The following USP45 variants were observed in gnomAD, a reference collection of about 807,000 sequenced individuals.
The protein encoded by USP45 is ubiquitin carboxyl-terminal hydrolase 45.
In USP45, 89 loss-of-function variants were observed where a neutral mutation model predicts 95.8. The observed-to-expected ratio is 0.93, with a 90% CI of 0.78 to 1.11. The LOEUF (loss-of-function observed/expected upper bound fraction) is 1.11, where lower values mean the gene tolerates loss of function less well. Among genes scored for constraint, USP45 ranks in the 50% least tolerant of loss-of-function variants. USP45 has a pLI of 0.00. For synonymous variants in USP45, 281 were observed against 316.2 expected (o/e 0.89, Z 1.18); for missense variants, 898 against 942.5 (o/e 0.95, Z 0.62).
At chr6:99,483,560 C>T (rs896636896) in intron 7 of USP45, among the ~76,000 whole-genome samples, 3 of 152,248 alleles carry the variant, frequency 2.0e-5, no homozygotes, top group Non-Finnish European at 4.4e-5. Context: ...ATCTTCCGGC[C>T]GGGCGCGGTG....
At chr6:99,482,182 A>G (rs1792600356) in intron 8 of USP45, 1 of 152,162 alleles carries the variant, frequency 6.6e-6, no homozygotes, top group South Asian at 2.1e-4. Context: ...TATGTTGTGT[A>G]CCCCTGAATT....
chr6:99,516,500 A>T (rs184290966), upstream of USP45, among the ~76,000 whole-genome samples: 57 of 152,350 alleles, frequency 3.7e-4, no homozygotes, highest in East Asian at 9.8e-3. Flanking sequence ...CAGTATTTAC[A>T]TGTGGAGAAC....
chr6:99,440,706 G>C (rs1045551094), intron 15 of USP45, among the ~76,000 whole-genome samples: 1 of 150,692 alleles, frequency 6.6e-6, no homozygotes, highest in Non-Finnish European at 1.5e-5. Context: ...TTTTTTTGCC[G>C]AAGTGTATTC....
In USP45 at chr6:99,432,646, T is replaced by C. The variant is rs1339511214; in HGVS notation, c.*3070A>G. On this transcript the variant is annotated 3_prime_UTR_variant, in exon 18 of 18. Coordinates refer to ENST00000500704, the MANE Select transcript of USP45 (RefSeq NM_001346022.3). ...TACGTAAACAAAAACATCATAAATA[T>C]CTAGAAATAATCTTTTTTAACAATG... 1 of 152,292 alleles carries C rather than the reference T, an allele frequency of 6.6e-6. No homozygotes were observed. The highest frequency in any genetic ancestry group is 1.5e-5 in the Non-Finnish European group (1 of 68,026). The allele number at this position is 152,292 out of a possible 1,614,324, so 9.4% of individuals were successfully genotyped here. A position where few individuals can be genotyped will look rare whatever the true frequency, so the allele number is the denominator to read the frequency against.
Position 99,494,524 on chromosome 6 carries a change from A to G in USP45, c.479-5704T>C, listed in dbSNP as rs1009497880. Among the ~76,000 whole-genome samples, 9 of 152,294 alleles carry G rather than the reference A, an allele frequency of 5.9e-5. No homozygotes were observed. The East Asian group carries it at 1.5e-3, about 26-fold the overall frequency. On this transcript the variant is annotated intron_variant, in intron 5 of 17. Coordinates refer to ENST00000500704, the MANE Select transcript of USP45 (RefSeq NM_001346022.3). The stretch of plus-strand genomic sequence containing the variant: ...CTTGTCTAAGAACTTTAAAAAAAAA[A>G]CTTAAGATATTACCTCAAATTTTTC...
chr6:99,449,794 A>C (rs147084778), intron 13 of USP45, among the ~76,000 whole-genome samples: 2 of 152,224 alleles, frequency 1.3e-5, no homozygotes, highest in Non-Finnish European at 2.9e-5. Flanking sequence ...AGCACTCCTC[A>C]GCAAATGTAA....
chr6:99,514,751 T>C (rs1447810041), intron 1 of USP45: 3 of 152,228 alleles, frequency 2.0e-5, no homozygotes, highest in South Asian at 2.1e-4. Flanking sequence ...TCTCCTTTTA[T>C]ATACCAAGCT....
intron 13 of USP45, chr6:99,461,317 T>C: frequency 2.0e-6 from 2 of 985,382 alleles, no homozygotes; most frequent in Non-Finnish European, 2.4e-6. Flanking sequence ...AAAAATAGCC[T>C]ATGGAATAGA....
At chr6:99,513,772 C>G (rs1562468881) in intron 1 of USP45, among the ~76,000 whole-genome samples, 1 of 152,148 alleles carries the variant, frequency 6.6e-6, no homozygotes, top group African/African-American at 2.4e-5. Flanking sequence ...GGTACAGTAA[C>G]CCAGAATTCG....
At chr6:99,469,738 C>T (rs1319653468) in intron 9 of USP45, among the ~76,000 whole-genome samples, 2 of 151,792 alleles carry the variant, frequency 1.3e-5, no homozygotes, top group Non-Finnish European at 2.9e-5. Context: ...CTGCCTCAGC[C>T]TCCCAAAGTG....
chr6:99,445,018 C>G (rs1341679375), intron 14 of USP45, among the ~76,000 whole-genome samples: 1 of 152,164 alleles, frequency 6.6e-6, no homozygotes, highest in Non-Finnish European at 1.5e-5. Flanking sequence ...TTCTTATTTT[C>G]CCCCTTTCTC....
At position 99,508,733 on chromosome 6, in the gene USP45, T is replaced by G. The variant is rs779188746; in HGVS notation, c.150A>C (p.Val50=). ...ACAGATTCTCAGCTATTGCTCTCTT[T>G]ACATGATTCACGCTGATAGCATGAC... ...HVSHAISVNH[V]KRAIAENLWS... The change falls in exon 3 of 18, where the codon GTA becomes GTC. Residue 50 remains valine, a synonymous_variant. Coordinates refer to ENST00000500704, the MANE Select transcript of USP45 (RefSeq NM_001346022.3). The G allele has an allele frequency of 6.2e-7, 1 of 1,613,574 alleles. No homozygotes were observed. The highest frequency in any genetic ancestry group is 8.5e-7 in the Non-Finnish European group (1 of 1,179,892).
chr6:99,446,143 C>T lies in USP45; in HGVS notation c.1629G>A (p.Leu543=), dbSNP rs1782503829. The T allele has an allele frequency of 6.2e-7, 1 of 1,614,152 alleles. No individual in the cohort carries two copies. Among genetic ancestry groups the T allele is most frequent in the Non-Finnish European group, 8.5e-7 (1 of 1,180,036 alleles). ...CACCACTGTCAGTCTCCTTGGTGTA[C>T]AGCAGTTTACCTGCTGACAGAGGGT... ...PLYPLSAGKL[L]YTKETDSGDK... The change falls in exon 14 of 18, where the codon CTG becomes CTA. Residue 543 remains leucine (L), a synonymous_variant. Transcript: ENST00000500704.
chr6:99,491,951 TA>T (rs149133097), intron 5 of USP45, among the ~76,000 whole-genome samples: 13,960 of 152,172 alleles, frequency 0.092, 735 homozygotes, highest in Admixed American at 0.15. Context: ...TAAAAAACAT[TA>T]AAAAATACAT....
chr6:99,488,648 T>C, intron 6 of USP45, 33 bp downstream of exon 6: 3 of 1,579,424 alleles, frequency 1.9e-6, no homozygotes, highest in East Asian at 2.3e-5. Flanking sequence ...AGAGAATCTT[T>C]TACATATTAC....
chr6:99,482,771 A>G lies in USP45; in HGVS notation c.827T>C (p.Phe276Ser). 6.2e-7 allele frequency: 1 copy of G among 1,603,664 alleles called. No homozygotes were observed. Residue 276 changes from phenylalanine to serine, a missense_variant, in exon 8 of 18, where the codon TTT (phenylalanine) becomes TCT (serine). Transcript: ENST00000500704. ...EKGPLSPKVL[F>S]NQLCQKAPRF... ...CACCCACTTCTGACAAAGCTGATTA[A>G]AAAGAACTTTAGGAGAAAGTGGTCC...
intron 9 of USP45, among the ~76,000 whole-genome samples, chr6:99,471,064 C>T (rs1789277542): frequency 6.6e-6 from 1 of 152,158 alleles, no homozygotes; most frequent in Non-Finnish European, 1.5e-5. Context: ...TGTGATTACA[C>T]TCTAAAAAGA....
chr6:99,453,945 C>T (rs776112596), intron 13 of USP45, among the ~76,000 whole-genome samples: 3 of 151,930 alleles, frequency 2.0e-5, no homozygotes, highest in Non-Finnish European at 2.9e-5. Context: ...CTGGCCTTGG[C>T]AACAAGAGTG....
intron 13 of USP45, among the ~76,000 whole-genome samples, chr6:99,459,713 G>A (rs1052589691): frequency 2.0e-5 from 3 of 152,186 alleles, no homozygotes; most frequent in Non-Finnish European, 4.4e-5. Context: ...CTTTTGATTT[G>A]CATTTCCCTA....
Sources: gnomAD v4.1 joint callset for allele counts (sites outside exome capture counted in the v4.1 genomes callset) on GRCh38, gnomAD v4.1.1 for gene constraint, MANE v1.5 for transcripts, NCBI Gene and HGNC (gene_info 2026-07-23, HGNC 2026-07-21) for gene names.